The following LRIG2 variants were observed in gnomAD, a reference collection of about 807,000 sequenced individuals.
The protein encoded by LRIG2 is leucine-rich repeats and immunoglobulin-like domains protein 2.
Under a neutral mutation model 107.8 loss-of-function variants are expected in LRIG2, and 93 were observed. The ratio of observed to expected loss-of-function variants is 0.86; its 90% CI spans 0.73 to 1.03. The LOEUF (loss-of-function observed/expected upper bound fraction) is 1.03, where lower values mean the gene tolerates loss of function less well. Ranked by LOEUF, LRIG2 falls within the 50% of genes least tolerant of loss-of-function variation. The probability of loss-of-function intolerance (pLI) is 0.00; values close to 1 mark genes in which losing one functional copy is unlikely to be tolerated. For synonymous variants in LRIG2, 471 were observed against 470.6 expected (o/e 1.00, Z -0.01); for missense variants, 1,226 against 1,296.0 (o/e 0.95, Z 0.83).
At chr1:113,094,866 C>T in intron 6 of LRIG2, 111 bp downstream of exon 6, 2 of 1,012,566 alleles carry the variant, frequency 2.0e-6, no homozygotes, top group Non-Finnish European at 2.8e-6. Flanking sequence ...TCATTCATTC[C>T]CTGGTCACTG....
At chr1:113,074,881 C>A (rs1292009473) in intron 1 of LRIG2, among the ~76,000 whole-genome samples, 2 of 137,534 alleles carry the variant, frequency 1.5e-5, no homozygotes, top group Non-Finnish European at 3.1e-5. Context: ...TGCACTCCAG[C>A]CTGAAAACAG....
At chr1:113,078,976 T>C (rs1430919911) in intron 1 of LRIG2, among the ~76,000 whole-genome samples, 1 of 152,136 alleles carries the variant, frequency 6.6e-6, no homozygotes, top group East Asian at 1.9e-4. Context: ...CTTTGTAACT[T>C]GCGGTTGGAT....
chr1:113,077,434 G>A (rs986592247), intron 1 of LRIG2, among the ~76,000 whole-genome samples: 1 of 152,194 alleles, frequency 6.6e-6, no homozygotes, highest in African/African-American at 2.4e-5. Flanking sequence ...TAGCCACTGT[G>A]CCTGGCCAGC....
At chr1:113,097,607 G>C (rs1447280585) in intron 8 of LRIG2, among the ~76,000 whole-genome samples, 1 of 152,166 alleles carries the variant, frequency 6.6e-6, no homozygotes, top group Non-Finnish European at 1.5e-5. Flanking sequence ...GCAGTTGAAG[G>C]GATGGCAAAT....
At position 113,123,735 on chromosome 1, in the gene LRIG2, G is replaced by T. The variant is rs1457838630; in HGVS notation, c.2972-140G>T. ...TGTTCTGGTGGTGGTTTTTGTGTGTGTGTGTGTGTGTGTGTGTGTGTGTGT... is the reference window on the plus strand; with the variant it reads ...TGTTCTGGTGGTGGTTTTTGTGTGTTTGTGTGTGTGTGTGTGTGTGTGTGT... On this transcript the variant is annotated intron_variant, in intron 17 of 17. Transcript: ENST00000361127. The T allele has an allele frequency of 3.6e-3, 2,094 of 573,724 alleles. 3 individuals carry two copies. Among genetic ancestry groups the T allele is most frequent in the East Asian group, 0.013 (417 of 32,088 alleles). 35.5% of individuals were successfully genotyped at this position (573,724 alleles called of 1,614,324 possible).
At chr1:113,076,116 C>T (rs1226877530) in intron 1 of LRIG2, among the ~76,000 whole-genome samples, 1 of 151,974 alleles carries the variant, frequency 6.6e-6, no homozygotes, top group Non-Finnish European at 1.5e-5. Flanking sequence ...AGTGATTCTC[C>T]TGCCTCAGAC....
At position 113,124,523 on chromosome 1, in the gene LRIG2, T is replaced by C. The variant is rs1413674520; in HGVS notation, c.*422T>C. ...AAGGAGCAAAAATAACTTTGGAGCC[T>C]TCTGGGAAGTGTGCCTGGGATTCTT... On this transcript the variant is annotated 3_prime_UTR_variant, in exon 18 of 18. Coordinates refer to ENST00000361127, the MANE Select transcript of LRIG2 (RefSeq NM_014813.3). 5.5e-6 allele frequency: 1 copy of C among 181,656 alleles called. No individual in the cohort carries two copies. The highest frequency in any genetic ancestry group is 1.2e-5 in the Non-Finnish European group (1 of 85,576). 11.3% of individuals were successfully genotyped at this position (181,656 alleles called of 1,614,324 possible). A position where few individuals can be genotyped will look rare whatever the true frequency, so the allele number is the denominator to read the frequency against.
chr1:113,080,555 A>G (rs1312416142), intron 1 of LRIG2, among the ~76,000 whole-genome samples: 2 of 148,360 alleles, frequency 1.3e-5, no homozygotes, highest in Non-Finnish European at 3.0e-5. Context: ...AATTTTTTGT[A>G]TTTTCAGTAG....
At chr1:113,094,984 A>ATTTTTT (rs33950364) in intron 6 of LRIG2, among the ~76,000 whole-genome samples, 1 of 139,680 alleles carries the variant, frequency 7.2e-6, no homozygotes, top group African/African-American at 2.5e-5. Context: ...ATATATATAT[A>ATTTTTT]TTTTTTTTGA....
At chr1:113,099,271 TC>T (rs1480535273) in intron 9 of LRIG2, among the ~76,000 whole-genome samples, 2 of 81,796 alleles carry the variant, frequency 2.4e-5, no homozygotes, top group Non-Finnish European at 4.7e-5. Flanking sequence ...AGGGTCTTGC[TC>T]TGTCACCCAG....
At position 113,073,560 on chromosome 1, in the gene LRIG2, C is replaced by T. The variant is rs1652806215; in HGVS notation, c.154C>T (p.Pro52Ser). The change falls in exon 1 of 18, where the codon CCT (proline) becomes TCT (serine). Residue 52 changes from proline to serine, a missense_variant. By Grantham distance (74) the Pro-to-Ser change is moderately conservative. Transcript: ENST00000361127. ...CCCCGCGCCCTGCTCCTGCCGCATT[C>T]CTCTCCTGGACTGCAGTCGCAGGAA... The part of the protein sequence containing the change: ...LCPAPCSCRI[P>S]LLDCSRRKLP... 6.2e-7 allele frequency: 1 copy of T among 1,614,014 alleles called. No homozygotes were observed. The highest frequency in any genetic ancestry group is 1.3e-5 in the African/African-American group (1 of 74,948).
chr1:113,119,777 T>C (rs1337025873), intron 17 of LRIG2, among the ~76,000 whole-genome samples: 1 of 152,140 alleles, frequency 6.6e-6, no homozygotes, highest in Non-Finnish European at 1.5e-5. Context: ...TCAGAGGCCA[T>C]ACACAAAAAG....
chr1:113,100,335 C>A, intron 10 of LRIG2, 53 bp downstream of exon 10: 1 of 1,475,556 alleles, frequency 6.8e-7, no homozygotes, highest in Non-Finnish European at 9.4e-7. Flanking sequence ...TTGCTATTAG[C>A]AGAGGTTTTC....
intron 11 of LRIG2, among the ~76,000 whole-genome samples, chr1:113,101,617 A>T (rs1300684131): frequency 1.3e-5 from 2 of 152,248 alleles, no homozygotes; most frequent in African/African-American, 4.8e-5. Flanking sequence ...GAAATTTAAA[A>T]GACTGGTCCT....
chr1:113,102,225 TATTTCTC>T (rs1654336445), intron 11 of LRIG2, among the ~76,000 whole-genome samples: 1 of 152,030 alleles, frequency 6.6e-6, no homozygotes, highest in Non-Finnish European at 1.5e-5. Flanking sequence ...TTAATCATCT[TATTTCTC>T]ATTAGTCGTT....
At chr1:113,090,507 C>A (rs1653753892) in intron 1 of LRIG2, among the ~76,000 whole-genome samples, 1 of 151,860 alleles carries the variant, frequency 6.6e-6, no homozygotes, top group Non-Finnish European at 1.5e-5. Context: ...CTATACTACT[C>A]AAATTGACAT....
At chr1:113,119,187 TA>T in intron 16 of LRIG2, 45 bp from the exon 17 acceptor site, 2 of 1,563,586 alleles carry the variant, frequency 1.3e-6, no homozygotes, top group Non-Finnish European at 1.7e-6. Flanking sequence ...TGGCAAAAAA[TA>T]ATTCCTTAAC....
intron 14 of LRIG2, 126 bp downstream of exon 14, chr1:113,112,886 C>A: frequency 1.1e-6 from 1 of 935,518 alleles, no homozygotes; most frequent in African/African-American, 1.6e-5. Flanking sequence ...TCTTATTTCA[C>A]AATTTTATGC....
rs1385360798 is a variant in LRIG2 at position 113,130,820 on chromosome 1, A to G, written c.*6719A>G. 1 of 152,244 alleles carries G rather than the reference A, an allele frequency of 6.6e-6. No individual in the cohort carries two copies. The highest frequency in any genetic ancestry group is 2.4e-5 in the African/African-American group (1 of 41,458). 9.4% of individuals were successfully genotyped at this position (152,244 alleles called of 1,614,324 possible). On this transcript the variant is annotated 3_prime_UTR_variant, in exon 18 of 18. Coordinates refer to ENST00000361127, the MANE Select transcript of LRIG2 (RefSeq NM_014813.3). ...GTTCGTAGCTGGGAACATGAAACAC[A>G]AAATTCTGGGTTTAATCTTCTGAAG...
Sources: allele counts gnomAD v4.1 joint callset (sites outside exome capture counted in the v4.1 genomes callset), GRCh38; gene constraint gnomAD v4.1.1; transcripts MANE v1.5; gene names NCBI Gene and HGNC (gene_info 2026-07-23, HGNC 2026-07-21).